The following EDIL3 variants were observed in gnomAD, a reference collection of about 807,000 sequenced individuals.
EDIL3 encodes EGF like and discoidin domains 3.
EDIL3 carries 37 observed loss-of-function variants against 67.4 expected under a neutral mutation model. The ratio of observed to expected loss-of-function variants is 0.55; its 90% CI spans 0.42 to 0.72. The LOEUF is 0.72. EDIL3 is among the 30% of genes least tolerant of loss of function. EDIL3 has a pLI of 0.00. For missense variants in EDIL3, 527 were observed against 586.3 expected, an observed-to-expected ratio of 0.90 and a Z score of 1.04; for synonymous variants, 195 against 196.3, an observed-to-expected ratio of 0.99 and a Z score of 0.05.
At chr5:84,151,692 T>C (rs1037542355) in intron 4 of EDIL3, among the ~76,000 whole-genome samples, 1 of 152,174 alleles carries the variant, frequency 6.6e-6, no homozygotes, top group African/African-American at 2.4e-5. Context: ...TTTGTTTTTG[T>C]TATCATTGAC....
At chr5:84,228,254 G>A (rs16900992) in intron 3 of EDIL3, among the ~76,000 whole-genome samples, 15,722 of 151,976 alleles carry the variant, frequency 0.1, 1,015 homozygotes, top group Middle Eastern at 0.15. Context: ...GGTAAAAAGA[G>A]ATAGCAACCT....
At chr5:84,156,863 T>G in intron 4 of EDIL3, among the ~76,000 whole-genome samples, 1 of 152,142 alleles carries the variant, frequency 6.6e-6, no homozygotes, top group East Asian at 1.9e-4. Context: ...TTTTAAAAAT[T>G]TAGCATCCAC....
chr5:84,139,577 C>T (rs1014862047), intron 4 of EDIL3, among the ~76,000 whole-genome samples: 3 of 152,126 alleles, frequency 2.0e-5, no homozygotes, highest in Non-Finnish European at 2.9e-5. Flanking sequence ...TACCTTGGAA[C>T]ATGCCCAATA....
At chr5:84,261,960 A>C (rs1358435957) in intron 1 of EDIL3, among the ~76,000 whole-genome samples, 1 of 152,184 alleles carries the variant, frequency 6.6e-6, no homozygotes, top group Non-Finnish European at 1.5e-5. Flanking sequence ...TGACTATTTG[A>C]ATTTCACAGC....
intron 3 of EDIL3, among the ~76,000 whole-genome samples, chr5:84,212,947 C>G (rs1345037943): frequency 2.0e-5 from 3 of 150,002 alleles, no homozygotes; most frequent in Non-Finnish European, 4.4e-5. Flanking sequence ...CACTACCCAC[C>G]AAAGAGTCAG....
At chr5:84,192,997 A>G (rs1319374977) in intron 3 of EDIL3, among the ~76,000 whole-genome samples, 1 of 151,976 alleles carries the variant, frequency 6.6e-6, no homozygotes, top group Non-Finnish European at 1.5e-5. Context: ...GAGGGCAAGA[A>G]AAAGGGCCTG....
chr5:84,158,172 T>A (rs1287622088), intron 4 of EDIL3, among the ~76,000 whole-genome samples: 1 of 152,072 alleles, frequency 6.6e-6, no homozygotes, highest in Non-Finnish European at 1.5e-5. Flanking sequence ...TATAAATCCA[T>A]CAATTATATT....
At chr5:84,066,138 G>A (rs1410808122) in intron 7 of EDIL3, among the ~76,000 whole-genome samples, 2 of 149,466 alleles carry the variant, frequency 1.3e-5, no homozygotes, top group Admixed American at 6.7e-5. Context: ...AAAAAAGTGC[G>A]TTAATCACGA....
At chr5:84,090,641 C>T (rs1004469733) in intron 6 of EDIL3, among the ~76,000 whole-genome samples, 3 of 151,972 alleles carry the variant, frequency 2.0e-5, no homozygotes, top group African/African-American at 4.8e-5. Flanking sequence ...GAATGAACTG[C>T]TTGTTTATGG....
chr5:84,250,817 A>C (rs534842302), intron 2 of EDIL3, among the ~76,000 whole-genome samples: 1 of 152,334 alleles, frequency 6.6e-6, no homozygotes, highest in South Asian at 2.1e-4. Flanking sequence ...TTAAAAATAT[A>C]AAGATTCAGA....
At chr5:84,229,909 T>TG in intron 2 of EDIL3, 25 bp from the exon 3 acceptor site, 2 of 1,539,352 alleles carry the variant, frequency 1.3e-6, no homozygotes. Context: ...AAAGGTGAAA[T>TG]GGGGGTGGGG....
At chr5:84,329,468 T>C (rs1267702207) in intron 1 of EDIL3, among the ~76,000 whole-genome samples, 1 of 152,130 alleles carries the variant, frequency 6.6e-6, no homozygotes, top group African/African-American at 2.4e-5. Context: ...GTGCTTGTTA[T>C]GAAAGACTCT....
At chr5:84,215,016 G>A (rs972071900) in intron 3 of EDIL3, among the ~76,000 whole-genome samples, 2 of 151,760 alleles carry the variant, frequency 1.3e-5, no homozygotes, top group Admixed American at 6.6e-5. Context: ...CACCGCACCC[G>A]GCCCTATGTG....
At chr5:84,293,557 T>C (rs1232463483) in intron 1 of EDIL3, among the ~76,000 whole-genome samples, 1 of 151,954 alleles carries the variant, frequency 6.6e-6, no homozygotes, top group African/African-American at 2.4e-5. Context: ...TCAAGTTCCA[T>C]CCGCATGTGT....
chr5:84,026,261 C>G (rs1745811797), intron 9 of EDIL3, among the ~76,000 whole-genome samples: 1 of 152,182 alleles, frequency 6.6e-6, no homozygotes, highest in Non-Finnish European at 1.5e-5. Flanking sequence ...TTTGATCCCA[C>G]AGATATTTTA....
In EDIL3 at chr5:84,001,059, ATTTATT is replaced by A. The variant is rs369637083; in HGVS notation, c.1138-37705_1138-37700del. On this transcript the variant is annotated intron_variant, in intron 9 of 10. Transcript: ENST00000296591. ...AAAAACCACATTTTTATTTTTATTT[ATTTATT>A]TTTGAGACAGAATCTCTGTTGCCCA... Among the ~76,000 whole-genome samples, 298 of 152,128 alleles carry A rather than the reference ATTTATT, an allele frequency of 2.0e-3. 1 individual carries two copies. Among genetic ancestry groups the A allele is most frequent in the African/African-American group, 5.9e-3 (246 of 41,540 alleles).
At chr5:84,369,233 C>CGTAT (rs527502972) in intron 1 of EDIL3, among the ~76,000 whole-genome samples, 3 of 150,442 alleles carry the variant, frequency 2.0e-5, no homozygotes, top group Non-Finnish European at 4.4e-5. Flanking sequence ...TATATATAAA[C>CGTAT]ATACACACAC....
At chr5:84,121,746 C>T (rs867290810) in intron 5 of EDIL3, among the ~76,000 whole-genome samples, 8 of 152,148 alleles carry the variant, frequency 5.3e-5, no homozygotes, top group Middle Eastern at 3.4e-3. Context: ...TCCTTTTCTT[C>T]GCTGTCCCAG....
chr5:84,327,430 T>C (rs1746786720), intron 1 of EDIL3, among the ~76,000 whole-genome samples: 1 of 152,012 alleles, frequency 6.6e-6, no homozygotes, highest in Admixed American at 6.6e-5. Context: ...TTCATGCTTT[T>C]GACTCCATCT....
Sources: allele counts gnomAD v4.1 joint callset (sites outside exome capture counted in the v4.1 genomes callset), GRCh38; gene constraint gnomAD v4.1.1; transcripts MANE v1.5; gene names NCBI Gene and HGNC (gene_info 2026-07-23, HGNC 2026-07-21).